The following DDX60 variants were observed in gnomAD, a reference collection of about 807,000 sequenced individuals.
The protein encoded by DDX60 is DExD/H-box helicase 60.
DDX60 carries 165 observed loss-of-function variants against 212.8 expected under a neutral mutation model. The observed-to-expected ratio is 0.78, with a 90% confidence interval of 0.68 to 0.88. The LOEUF (loss-of-function observed/expected upper bound fraction) is 0.88, where lower values mean the gene tolerates loss of function less well. Among genes scored for constraint, DDX60 ranks in the 40% least tolerant of loss-of-function variants. The pLI, the probability that DDX60 is intolerant of heterozygous loss-of-function variation, is 0.00. For missense variants in DDX60, 1,905 were observed against 2,003.9 expected, an observed-to-expected ratio of 0.95 and a Z score of 0.94; for synonymous variants, 703 against 685.3, an observed-to-expected ratio of 1.03 and a Z score of -0.40.
chr4:168,239,068 C>T (rs1733742521), intron 30 of DDX60, among the ~76,000 whole-genome samples: 1 of 152,214 alleles, frequency 6.6e-6, no homozygotes, highest in African/African-American at 2.4e-5. Flanking sequence ...GAAAAACACA[C>T]AATAGATCAA....
At chr4:168,321,109 A>G (rs1031123988), upstream of DDX60, among the ~76,000 whole-genome samples, 8 of 152,188 alleles carry the variant, frequency 5.3e-5, no homozygotes, top group Admixed American at 1.3e-4. Flanking sequence ...TTTCCACCCC[A>G]AAGTATGTAA....
rs780045272 is a variant in DDX60, at chr4:168,283,457, T to G, written c.1711A>C (p.Lys571Gln). Reference sequence around the variant, plus strand: ...TTTATAGAACCTACGTGTGCCTTTTTGCTCTTGGGCCCACTAAAATCCTTC... The same window carrying G: ...TTTATAGAACCTACGTGTGCCTTTTGGCTCTTGGGCCCACTAAAATCCTTC... ...SKKDFSGPKS[K>Q]KAHETKAEII... Residue 571 changes from lysine to glutamine, a missense_variant, in exon 13 of 38, where the codon AAA becomes CAA. Physicochemically the swap from Lys to Gln is moderately conservative, Grantham distance 53. Coordinates refer to ENST00000393743, the MANE Select transcript of DDX60 (RefSeq NM_017631.6). 1.9e-6 allele frequency: 3 copies of G among 1,613,122 alleles called. No individual in the cohort carries two copies. Among genetic ancestry groups the G allele is most frequent in the South Asian group, 2.2e-5 (2 of 90,974 alleles).
intron 14 of DDX60, among the ~76,000 whole-genome samples, chr4:168,279,484 A>G (rs1735494419): frequency 6.6e-6 from 1 of 152,236 alleles, no homozygotes; most frequent in South Asian, 2.1e-4. Context: ...TAATCTGGAC[A>G]TGATAAGGTG....
At chr4:168,242,257 C>A (rs566805553) in intron 30 of DDX60, among the ~76,000 whole-genome samples, 3 of 152,318 alleles carry the variant, frequency 2.0e-5, no homozygotes, top group Non-Finnish European at 4.4e-5. Flanking sequence ...GGTTGGAGAA[C>A]CTGCACAGAG....
intron 19 of DDX60, among the ~76,000 whole-genome samples, chr4:168,270,444 A>C (rs1257337252): frequency 6.6e-6 from 1 of 152,236 alleles, no homozygotes; most frequent in Non-Finnish European, 1.5e-5. Flanking sequence ...ACTAGATAGC[A>C]CTGTTCCCTG....
chr4:168,316,455 A>G (rs1258983352), intron 1 of DDX60, among the ~76,000 whole-genome samples: 1 of 152,224 alleles, frequency 6.6e-6, no homozygotes, highest in Non-Finnish European at 1.5e-5. Context: ...TGAAAGAAAA[A>G]TAAATATGAA....
chr4:168,263,549 T>C (rs1472094843), intron 22 of DDX60: 2 of 152,094 alleles, frequency 1.3e-5, no homozygotes, highest in African/African-American at 4.8e-5. Context: ...GAATCCCCAA[T>C]GTGATGGTAT....
chr4:168,238,504 A>G (rs1733722828), intron 30 of DDX60, among the ~76,000 whole-genome samples: 1 of 151,338 alleles, frequency 6.6e-6, no homozygotes, highest in African/African-American at 2.4e-5. Context: ...AGAGGAAGGG[A>G]AGAGAGAGAA....
At chr4:168,267,549 A>T in intron 22 of DDX60, 33 bp downstream of exon 22, 1 of 1,140,814 alleles carries the variant, frequency 8.8e-7, no homozygotes, top group Non-Finnish European at 1.2e-6. Context: ...ATTTTATATT[A>T]CTTAGAACAA....
Position 168,267,823 on chromosome 4 carries a change from T to G in DDX60, c.2929+18A>C. The G allele has an allele frequency of 6.3e-7, 1 of 1,589,602 alleles. No individual in the cohort carries two copies. Among genetic ancestry groups the G allele is most frequent in the Non-Finnish European group, 8.5e-7 (1 of 1,170,622 alleles). On this transcript the variant is annotated intron_variant, in intron 21 of 37. Transcript: ENST00000393743. ...AATAAAATAAAAGGCAAGCTTTATA[T>G]AAATATATCAAACATACCAAGTCTA...
chr4:168,231,235 G>A (rs1733441640), intron 33 of DDX60, among the ~76,000 whole-genome samples: 1 of 151,810 alleles, frequency 6.6e-6, no homozygotes, highest in South Asian at 2.1e-4. Context: ...AACAAAAAAA[G>A]TCCAAAACTA....
chr4:168,284,658 G>A (rs556630704), intron 12 of DDX60, among the ~76,000 whole-genome samples, 162 bp downstream of exon 12: 4 of 152,220 alleles, frequency 2.6e-5, no homozygotes, highest in Middle Eastern at 3.4e-3. Context: ...AAGAGAGAGA[G>A]AATTTTTCAT....
chr4:168,269,865 G>A (rs1002681035), intron 19 of DDX60, among the ~76,000 whole-genome samples: 8 of 152,020 alleles, frequency 5.3e-5, no homozygotes, highest in African/African-American at 1.5e-4. Context: ...TATTCCCTCT[G>A]CTTAAAATAC....
At position 168,283,600 on chromosome 4, in the gene DDX60, G is replaced by C. The variant is rs925695292; in HGVS notation, c.1568C>G (p.Ser523Cys). Residue 523 changes from serine to cysteine, a missense_variant, in exon 13 of 38, where the codon TCT (serine) becomes TGT (cysteine). Physicochemically the swap from Ser to Cys is moderately radical, Grantham distance 112. Coordinates refer to ENST00000393743, the MANE Select transcript of DDX60 (RefSeq NM_017631.6). ...AGATCTAAGAACACGAGGGTCTCTAGATTTTTCTGAAAAAGAAAAGACTTA... is the reference window on the plus strand; with the variant it reads ...AGATCTAAGAACACGAGGGTCTCTACATTTTTCTGAAAAAGAAAAGACTTA... Reference protein sequence around the residue: ...DRSRCQFDEKSRDPRVLRSVQ... With the variant: ...DRSRCQFDEKCRDPRVLRSVQ... The C allele has an allele frequency of 5.7e-6, 9 of 1,590,688 alleles. No individual in the cohort carries two copies. The highest frequency in any genetic ancestry group is 5.4e-5 in the African/African-American group (4 of 73,674).
At chr4:168,286,354 G>C (rs1315221390) in intron 10 of DDX60, among the ~76,000 whole-genome samples, 2 of 145,866 alleles carry the variant, frequency 1.4e-5, no homozygotes, top group Non-Finnish European at 3.0e-5. Flanking sequence ...TATTTGATAT[G>C]ATTACAGTAT....
chr4:168,289,188 G>A (rs977471632), intron 8 of DDX60, among the ~76,000 whole-genome samples: 1 of 152,172 alleles, frequency 6.6e-6, no homozygotes, highest in Non-Finnish European at 1.5e-5. Context: ...TTTCTATTAG[G>A]TAAAGTACAA....
At chr4:168,323,949 T>C in the DDX60 span, among the ~76,000 whole-genome samples, 1 of 152,220 alleles carries the variant, frequency 6.6e-6, no homozygotes, top group Non-Finnish European at 1.5e-5. Context: ...CTAGCACATA[T>C]CGTGGTGGTG....
chr4:168,257,123 G>A (rs1011088067), intron 25 of DDX60, among the ~76,000 whole-genome samples: 1 of 152,160 alleles, frequency 6.6e-6, no homozygotes, highest in African/African-American at 2.4e-5. Context: ...TCAGGAGTTC[G>A]AGACCAGCCT....
chr4:168,274,032 G>T lies in DDX60; in HGVS notation c.2356C>A (p.Pro786Thr), dbSNP rs1261892307. The change falls in exon 17 of 38, where the codon CCA becomes ACA. Residue 786 changes from proline to threonine, a missense_variant. Pro to Thr is a conservative substitution (Grantham distance 38). Coordinates refer to ENST00000393743, the MANE Select transcript of DDX60 (RefSeq NM_017631.6). The stretch of plus-strand genomic sequence containing the variant: ...GCATAGGTTTTGCCTGAGGACGTTG[G>T]GGCAACAATCACTGCTGACTCATTC... ...DKNESAVIVA[P>T]TSSGKTYASY... The T allele has an allele frequency of 1.2e-6, 2 of 1,614,168 alleles. No homozygotes were observed. The highest frequency in any genetic ancestry group is 2.2e-5 in the East Asian group (1 of 44,880).
Sources: gnomAD v4.1 joint callset for allele counts (sites outside exome capture counted in the v4.1 genomes callset) on GRCh38, gnomAD v4.1.1 for gene constraint, MANE v1.5 for transcripts, NCBI Gene and HGNC (gene_info 2026-07-23, HGNC 2026-07-21) for gene names.